LOC128125817: variants seen among roughly 807,000 people sequenced by gnomAD.
At chr1:41,613,910 G>A in the LOC128125817 span, among the ~76,000 whole-genome samples, 2 of 152,136 alleles carry the variant, frequency 1.3e-5, no homozygotes, top group Non-Finnish European at 1.5e-5. Context: ...GGAATCACCC[G>A]CCATATGTCC....
the LOC128125817 span, among the ~76,000 whole-genome samples, chr1:41,617,650 T>A: frequency 6.6e-6 from 1 of 152,206 alleles, no homozygotes; most frequent in Non-Finnish European, 1.5e-5. Flanking sequence ...ACAGGAGATA[T>A]CAACAGTGTT....
chr1:41,603,147 A>G, the LOC128125817 span, among the ~76,000 whole-genome samples: 1 of 151,778 alleles, frequency 6.6e-6, no homozygotes, highest in African/African-American at 2.4e-5. Flanking sequence ...GCTCACTGCA[A>G]CCTCCACCTC....
the LOC128125817 span, among the ~76,000 whole-genome samples, chr1:41,616,198 C>T: frequency 6.6e-6 from 1 of 152,078 alleles, no homozygotes; most frequent in Non-Finnish European, 1.5e-5. Context: ...GTTGGCATGG[C>T]TCATACAAAC....
chr1:41,614,013 C>A, the LOC128125817 span, among the ~76,000 whole-genome samples: 1 of 152,212 alleles, frequency 6.6e-6, no homozygotes, highest in African/African-American at 2.4e-5. Context: ...AGCACCCTGA[C>A]GCCCAGGCCA....
chr1:41,603,266 C>T, the LOC128125817 span, among the ~76,000 whole-genome samples: 1 of 152,074 alleles, frequency 6.6e-6, no homozygotes, highest in Non-Finnish European at 1.5e-5. Context: ...TGTGGTTTCA[C>T]CATGTTGGCC....
the LOC128125817 span, among the ~76,000 whole-genome samples, chr1:41,601,003 T>C: frequency 2.0e-5 from 3 of 152,184 alleles, no homozygotes; most frequent in Non-Finnish European, 4.4e-5. Flanking sequence ...GCACCATTTA[T>C]TGAAGAGACT....
the LOC128125817 span, among the ~76,000 whole-genome samples, chr1:41,611,038 CCA>C: frequency 0.084 from 12,750 of 152,166 alleles, 843 homozygotes; most frequent in African/African-American, 0.18. Context: ...TCTGAAAATC[CCA>C]CACTGTGAGA....
chr1:41,623,224 G>A, the LOC128125817 span, among the ~76,000 whole-genome samples: 2 of 152,206 alleles, frequency 1.3e-5, no homozygotes, highest in Non-Finnish European at 2.9e-5. Context: ...AGGCAGCAGT[G>A]TGGCTATTTT....
the LOC128125817 span, among the ~76,000 whole-genome samples, chr1:41,606,015 C>T: frequency 2.0e-5 from 3 of 152,172 alleles, no homozygotes; most frequent in African/African-American, 7.2e-5. Context: ...GGTGTGGTTA[C>T]AAAGTCCATT....
At chr1:41,624,989 C>T in the LOC128125817 span, among the ~76,000 whole-genome samples, 3 of 151,920 alleles carry the variant, frequency 2.0e-5, no homozygotes, top group African/African-American at 7.3e-5. Context: ...CATGGTGAAA[C>T]CCCATCTCTA....
At chr1:41,605,371 ACGCG>A in the LOC128125817 span, among the ~76,000 whole-genome samples, 7,182 of 126,426 alleles carry the variant, frequency 0.057, 249 homozygotes, top group African/African-American at 0.11. Flanking sequence ...ACACACGCAC[ACGCG>A]CACACACACA....
At chr1:41,618,758 G>A in the LOC128125817 span, among the ~76,000 whole-genome samples, 25 of 152,224 alleles carry the variant, frequency 1.6e-4, no homozygotes, top group African/African-American at 6.0e-4. Flanking sequence ...TTTTCCAGAT[G>A]AGGAAACTGA....
chr1:41,613,499 G>A, the LOC128125817 span, among the ~76,000 whole-genome samples: 5 of 152,136 alleles, frequency 3.3e-5, no homozygotes, highest in Non-Finnish European at 7.3e-5. Context: ...ATTTGTGAGT[G>A]AATAAATAAA....
At chr1:41,601,532 ATTTTC>A in the LOC128125817 span, among the ~76,000 whole-genome samples, 1 of 151,776 alleles carries the variant, frequency 6.6e-6, no homozygotes, top group Non-Finnish European at 1.5e-5. Context: ...TATTTTTCTA[ATTTTC>A]TTTTCAGCTA....
the LOC128125817 span, among the ~76,000 whole-genome samples, chr1:41,602,948 TC>T: frequency 1.4e-5 from 2 of 145,054 alleles, no homozygotes; most frequent in Admixed American, 1.3e-4. Flanking sequence ...TTTTCTAATT[TC>T]TTTTTTGATT....
the LOC128125817 span, among the ~76,000 whole-genome samples, chr1:41,592,138 C>CT: frequency 2.6e-5 from 4 of 152,176 alleles, no homozygotes; most frequent in African/African-American, 9.7e-5. Context: ...CCCTGGCTTG[C>CT]TTTCTTCAAC....
At chr1:41,587,506 A>G in the LOC128125817 span, among the ~76,000 whole-genome samples, 53 of 152,226 alleles carry the variant, frequency 3.5e-4, 1 homozygote, top group Admixed American at 3.5e-3. Flanking sequence ...AAACAAAGAC[A>G]GTCCCAGGCA....
At chr1:41,620,414 A>G in the LOC128125817 span, among the ~76,000 whole-genome samples, 1 of 152,048 alleles carries the variant, frequency 6.6e-6, no homozygotes, top group Non-Finnish European at 1.5e-5. Context: ...GGCTGTTCAA[A>G]TCTCCCTTTT....
the LOC128125817 span, among the ~76,000 whole-genome samples, chr1:41,595,269 C>T: frequency 4.6e-5 from 7 of 152,328 alleles, no homozygotes; most frequent in East Asian, 1.3e-3. Context: ...GAAATCTCTT[C>T]AGTTGCCAAG....
Sources: gnomAD v4.1 joint callset for allele counts (sites outside exome capture counted in the v4.1 genomes callset) on GRCh38, gnomAD v4.1.1 for gene constraint, MANE v1.5 for transcripts.